PTPRD: variants seen among roughly 807,000 people sequenced by gnomAD.
The protein encoded by PTPRD is protein tyrosine phosphatase receptor type D.
A neutral mutation model predicts 214.5 loss-of-function variants in PTPRD; 34 were observed. The ratio of observed to expected loss-of-function variants is 0.16; its 90% CI spans 0.12 to 0.21. PTPRD has a LOEUF of 0.21. Among genes scored for constraint, PTPRD ranks in the 10% least tolerant of loss-of-function variants. The pLI is 1.00. For synonymous variants in PTPRD, 1,128 were observed against 845.7 expected (o/e 1.33, Z -5.79); for missense variants, 2,545 against 2,398.7 (o/e 1.06, Z -1.27).
At chr9:8,805,792 G>A (rs1041420212) in intron 11 of PTPRD, among the ~76,000 whole-genome samples, 1 of 151,120 alleles carries the variant, frequency 6.6e-6, no homozygotes, top group Non-Finnish European at 1.5e-5. Context: ...TCAGGAGATC[G>A]AGACCATCCT....
At chr9:9,317,518 A>G (rs532886111) in intron 9 of PTPRD, among the ~76,000 whole-genome samples, 1 of 152,014 alleles carries the variant, frequency 6.6e-6, no homozygotes, top group Non-Finnish European at 1.5e-5. Flanking sequence ...CCTAAACGTC[A>G]CATCTGCTTG....
At chr9:10,012,157 C>G (rs769599485) in intron 4 of PTPRD, among the ~76,000 whole-genome samples, 1 of 151,488 alleles carries the variant, frequency 6.6e-6, no homozygotes, top group Non-Finnish European at 1.5e-5. Flanking sequence ...CATTGTAAGA[C>G]GTATACAAAT....
intron 4 of PTPRD, among the ~76,000 whole-genome samples, chr9:9,963,849 T>G (rs1239951756): frequency 2.6e-5 from 4 of 152,198 alleles, no homozygotes; most frequent in Admixed American, 2.6e-4. Context: ...TCATCAACAT[T>G]GGAAACTAAA....
chr9:8,460,345 C>T (rs888381108), intron 33 of PTPRD, 66 bp downstream of exon 33: 8 of 1,578,742 alleles, frequency 5.1e-6, no homozygotes, highest in Non-Finnish European at 6.1e-6. Context: ...GACAGCAGAA[C>T]AATGATCAAG....
At chr9:8,831,129 G>C (rs1376506226) in intron 11 of PTPRD, among the ~76,000 whole-genome samples, 2 of 152,080 alleles carry the variant, frequency 1.3e-5, no homozygotes, top group African/African-American at 4.8e-5. Flanking sequence ...TGAGACTCAG[G>C]AAAAGGGTTT....
chr9:8,989,460 T>G (rs1391465227), intron 11 of PTPRD, among the ~76,000 whole-genome samples: 4 of 152,156 alleles, frequency 2.6e-5, no homozygotes, highest in African/African-American at 9.7e-5. Context: ...ATGTGATATT[T>G]GTTTTACTGT....
In PTPRD at chr9:9,213,026, T is replaced by C. The variant is rs547964315; in HGVS notation, c.-202-29663A>G. Among the ~76,000 whole-genome samples, 3 of 152,298 alleles carry C rather than the reference T, an allele frequency of 2.0e-5. No individual in the cohort carries two copies. In the South Asian group the frequency reaches 6.2e-4, roughly 32 times the overall value. On this transcript the variant is annotated intron_variant, in intron 9 of 45. Coordinates refer to ENST00000381196, the MANE Select transcript of PTPRD (RefSeq NM_002839.4). ...TTTTTAGGTCAGGTTAAGAGTAAGATGGTGATTAAAATTTTAATTATAACA... is the reference window on the plus strand; with the variant it reads ...TTTTTAGGTCAGGTTAAGAGTAAGACGGTGATTAAAATTTTAATTATAACA...
At chr9:8,907,533 A>AAAAATATAT (rs3046919) in intron 11 of PTPRD, among the ~76,000 whole-genome samples, 3 of 118,232 alleles carry the variant, frequency 2.5e-5, no homozygotes, top group African/African-American at 1.0e-4. Flanking sequence ...AAAAAAAAAA[A>AAAAATATAT]ATATATATAT....
chr9:8,508,014 C>T (rs979761216), intron 21 of PTPRD, among the ~76,000 whole-genome samples: 3 of 152,084 alleles, frequency 2.0e-5, no homozygotes, highest in African/African-American at 4.8e-5. Context: ...CAAAACAAAA[C>T]TCTATCACTT....
At position 10,029,295 on chromosome 9, in the gene PTPRD, G is replaced by A. The variant is rs530800519; in HGVS notation, c.-472+4423C>T. Among the ~76,000 whole-genome samples the A allele has an allele frequency of 4.0e-3, 608 of 152,292 alleles. 6 individuals carry two copies. The highest frequency in any genetic ancestry group is 0.014 in the African/African-American group (589 of 41,564). On this transcript the variant is annotated intron_variant, in intron 4 of 45. Coordinates refer to ENST00000381196, the MANE Select transcript of PTPRD (RefSeq NM_002839.4). ...TGTGGGGTTGGAGCCCCCATACAGA[G>A]TCCCCACTGGGGCGCTGTCTAGTGG...
chr9:9,970,169 T>C (rs1041266270), intron 4 of PTPRD, among the ~76,000 whole-genome samples: 21 of 152,048 alleles, frequency 1.4e-4, no homozygotes, highest in African/African-American at 5.1e-4. Flanking sequence ...TCATGAGGTG[T>C]CACAGACATG....
intron 11 of PTPRD, among the ~76,000 whole-genome samples, chr9:9,004,943 G>C (rs965929690): frequency 6.6e-6 from 1 of 152,076 alleles, no homozygotes; most frequent in African/African-American, 2.4e-5. Context: ...CCAAAAATGA[G>C]CTAATTTTCA....
At chr9:10,119,217 A>G (rs2098755489) in intron 3 of PTPRD, among the ~76,000 whole-genome samples, 1 of 151,952 alleles carries the variant, frequency 6.6e-6, no homozygotes, top group South Asian at 2.1e-4. Context: ...TTTAACTATT[A>G]CAATCAAACC....
chr9:8,606,515 A>G (rs1413841391), intron 14 of PTPRD, among the ~76,000 whole-genome samples: 1 of 152,184 alleles, frequency 6.6e-6, no homozygotes, highest in Non-Finnish European at 1.5e-5. Context: ...AAGAGATGAA[A>G]TAAGTTTTCA....
chr9:8,856,020 G>A (rs1427020674), intron 11 of PTPRD, among the ~76,000 whole-genome samples: 2 of 152,178 alleles, frequency 1.3e-5, no homozygotes, highest in South Asian at 2.1e-4. Context: ...ATGGAATGTG[G>A]GAGGTAGGGA....
chr9:8,524,876 C>G (rs747176184), intron 18 of PTPRD, 49 bp downstream of exon 18: 2 of 1,514,294 alleles, frequency 1.3e-6, no homozygotes, highest in Admixed American at 1.7e-5. Flanking sequence ...CGTCTCAACT[C>G]CCCCTGAGCC....
rs372345984 is a variant in PTPRD at position 10,518,681 on chromosome 9, C to T, written c.-600+93717G>A. On this transcript the variant is annotated intron_variant, in intron 2 of 45. Coordinates refer to ENST00000381196, the MANE Select transcript of PTPRD (RefSeq NM_002839.4). The stretch of plus-strand genomic sequence containing the variant: ...CCAAGTAGCTGGGACTACAGGCGCC[C>T]GCCACCACACCCGGCTAATTTTTTG... 2.0e-3 allele frequency among the ~76,000 whole-genome samples: 307 copies of T among 151,982 alleles called. 4 individuals are homozygous for T. Among genetic ancestry groups the T allele is most frequent in the South Asian group, 4.2e-3 (20 of 4,816 alleles).
chr9:8,492,847 C>G lies in PTPRD; in HGVS notation c.2467+15G>C. ...TATTACTGTTCAAGGCACATACATG[C>G]ACAGACATGATTACCTGCCCCAGTG... On this transcript the variant is annotated intron_variant, in intron 27 of 45. Transcript: ENST00000381196. 6.3e-7 allele frequency: 1 copy of G among 1,593,500 alleles called. No homozygotes were observed. The highest frequency in any genetic ancestry group is 8.6e-7 in the Non-Finnish European group (1 of 1,161,754).
At position 9,257,877 on chromosome 9, in the gene PTPRD, C is replaced by T. The variant is rs912636675; in HGVS notation, c.-202-74514G>A. ...GGACAAGTGGTCTTAAAAAATTTTC[C>T]GAACTAACCTTTTAAAAAATATAGT... is the stretch of plus-strand genomic sequence containing the variant. On this transcript the variant is annotated intron_variant, in intron 9 of 45. Coordinates refer to ENST00000381196, the MANE Select transcript of PTPRD (RefSeq NM_002839.4). 1.1e-4 allele frequency among the ~76,000 whole-genome samples: 17 copies of T among 151,832 alleles called. No homozygotes were observed. The East Asian group carries it at 1.6e-3, about 14-fold the overall frequency.
Sources: allele counts gnomAD v4.1 joint callset (sites outside exome capture counted in the v4.1 genomes callset), GRCh38; gene constraint gnomAD v4.1.1; transcripts MANE v1.5; gene names NCBI Gene and HGNC (gene_info 2026-07-23, HGNC 2026-07-21).